B3GALT1: variants seen among roughly 807,000 people sequenced by gnomAD.
B3GALT1 encodes the protein UDP-Gal:betaGlcNAc beta 1,3-galactosyltransferase, polypeptide 1.
Under a neutral mutation model 23.2 loss-of-function variants are expected in B3GALT1, and 10 were observed. The observed-to-expected ratio is 0.43, with a 90% CI of 0.27 to 0.73. The LOEUF (loss-of-function observed/expected upper bound fraction) is 0.73, where lower values mean the gene tolerates loss of function less well. Among genes scored for constraint, B3GALT1 ranks in the 30% least tolerant of loss-of-function variants. B3GALT1 has a pLI of 0.21. For synonymous variants in B3GALT1, 156 were observed against 141.5 expected (o/e 1.10, Z -0.73); for missense variants, 299 against 405.4 (o/e 0.74, Z 2.25).
chr2:167,711,810 C>CA (rs903104951), intron 3 of B3GALT1, among the ~76,000 whole-genome samples: 29 of 151,800 alleles, frequency 1.9e-4, no homozygotes, highest in East Asian at 3.9e-4. Flanking sequence ...CCTAAAAATA[C>CA]AAAAAAAATT....
intron 4 of B3GALT1, among the ~76,000 whole-genome samples, chr2:167,856,243 T>A (rs1689997709): frequency 6.6e-6 from 1 of 152,128 alleles, no homozygotes; most frequent in Non-Finnish European, 1.5e-5. Context: ...TAAAATATGT[T>A]TTCTATTTAT....
At chr2:167,511,841 G>A (rs1224851429) in intron 2 of B3GALT1, among the ~76,000 whole-genome samples, 1 of 152,076 alleles carries the variant, frequency 6.6e-6, no homozygotes, top group African/African-American at 2.4e-5. Flanking sequence ...GATGGACTCA[G>A]ATTTTAATAT....
intron 3 of B3GALT1, among the ~76,000 whole-genome samples, chr2:167,725,213 T>A (rs1027981897): frequency 5.3e-5 from 8 of 152,130 alleles, no homozygotes; most frequent in African/African-American, 1.7e-4. Flanking sequence ...GGAGGACAAC[T>A]GTCAATTCAA....
intron 3 of B3GALT1, among the ~76,000 whole-genome samples, chr2:167,749,426 C>T (rs1187297069): frequency 6.6e-6 from 1 of 152,146 alleles, no homozygotes; most frequent in East Asian, 1.9e-4. Flanking sequence ...CCCCATGTTC[C>T]AACTGACTTC....
chr2:167,607,198 A>C (rs1462415731), intron 2 of B3GALT1, among the ~76,000 whole-genome samples: 1 of 152,192 alleles, frequency 6.6e-6, no homozygotes, highest in East Asian at 1.9e-4. Context: ...AAATGAAAGA[A>C]ATAAAAAGAA....
chr2:167,400,122 G>T (rs1232992413), intron 1 of B3GALT1, among the ~76,000 whole-genome samples: 1 of 150,570 alleles, frequency 6.6e-6, no homozygotes, highest in African/African-American at 2.4e-5. Flanking sequence ...GTCTCTGTAA[G>T]ATTTTCTCTT....
chr2:167,568,800 C>T (rs1199106577), intron 2 of B3GALT1, among the ~76,000 whole-genome samples: 1 of 151,720 alleles, frequency 6.6e-6, no homozygotes, highest in Non-Finnish European at 1.5e-5. Flanking sequence ...GAGTCATTGC[C>T]ATACCCAAGA....
intron 1 of B3GALT1, among the ~76,000 whole-genome samples, chr2:167,311,575 C>T (rs1696634800): frequency 6.6e-6 from 1 of 151,834 alleles, no homozygotes; most frequent in Non-Finnish European, 1.5e-5. Flanking sequence ...TATAATATAG[C>T]TCTATAAAAA....
chr2:167,593,588 A>G (rs903495484), intron 2 of B3GALT1, among the ~76,000 whole-genome samples: 2 of 152,240 alleles, frequency 1.3e-5, no homozygotes, highest in Non-Finnish European at 2.9e-5. Flanking sequence ...AGAAAGAATA[A>G]TGAGTTATGT....
intron 3 of B3GALT1, among the ~76,000 whole-genome samples, chr2:167,709,289 T>G (rs1687015334): frequency 6.6e-6 from 1 of 152,204 alleles, no homozygotes; most frequent in Admixed American, 6.5e-5. Flanking sequence ...CTTTAGAGTT[T>G]CCAAGGAAAA....
At chr2:167,439,445 G>A (rs1347452653) in intron 1 of B3GALT1, among the ~76,000 whole-genome samples, 1 of 151,770 alleles carries the variant, frequency 6.6e-6, no homozygotes, top group Non-Finnish European at 1.5e-5. Context: ...TGCTAGATTT[G>A]GGTGTATATG....
chr2:167,454,207 G>A (rs887102038), intron 1 of B3GALT1, among the ~76,000 whole-genome samples: 4 of 151,272 alleles, frequency 2.6e-5, no homozygotes, highest in African/African-American at 9.8e-5. Context: ...GTGTGTGTGT[G>A]TGTGCGCACG....
rs562848023 is a variant in B3GALT1, at chr2:167,325,001, C to G, written c.-511+31667C>G. Among the ~76,000 whole-genome samples, 3 of 152,168 alleles carry G rather than the reference C, an allele frequency of 2.0e-5. No homozygotes were observed. In the South Asian group the frequency reaches 6.2e-4, roughly 32 times the overall value. On this transcript the variant is annotated intron_variant, in intron 1 of 4. Transcript: ENST00000392690. ...GCATTCCTCTACCTGGCTTCTTTCA[C>G]TTAACATAATAATCTCTAGTTCCAT... is the stretch of plus-strand genomic sequence containing the variant.
chr2:167,521,707 C>A (rs1253295002), intron 2 of B3GALT1, among the ~76,000 whole-genome samples: 2 of 151,952 alleles, frequency 1.3e-5, no homozygotes, highest in Non-Finnish European at 2.9e-5. Context: ...CAATACAGGA[C>A]ACTCAGTTCT....
chr2:167,293,355 G>T (rs1004042072), intron 1 of B3GALT1, 21 bp downstream of exon 1: 7 of 152,178 alleles, frequency 4.6e-5, no homozygotes, highest in African/African-American at 1.4e-4. Context: ...GTCCGGCAGC[G>T]CCCGCGACGC....
intron 2 of B3GALT1, among the ~76,000 whole-genome samples, chr2:167,565,744 GA>G (rs1250607241): frequency 4.6e-5 from 7 of 152,182 alleles, no homozygotes; most frequent in African/African-American, 1.7e-4. Flanking sequence ...AAAGGCACAT[GA>G]AAAAATGCTC....
intron 2 of B3GALT1, among the ~76,000 whole-genome samples, chr2:167,537,910 C>T (rs1336223471): frequency 6.6e-6 from 1 of 151,076 alleles, no homozygotes; most frequent in Admixed American, 6.6e-5. Context: ...TGCAACTGCC[C>T]GCCTCCCTGG....
intron 3 of B3GALT1, among the ~76,000 whole-genome samples, chr2:167,778,191 A>T (rs1688193539): frequency 6.6e-6 from 1 of 152,168 alleles, no homozygotes; most frequent in African/African-American, 2.4e-5. Flanking sequence ...AGAGAATAAG[A>T]TAGTAAGAAG....
intron 1 of B3GALT1, among the ~76,000 whole-genome samples, chr2:167,342,527 T>G (rs568464462): frequency 1.5e-4 from 23 of 151,666 alleles, no homozygotes; most frequent in African/African-American, 5.6e-4. Flanking sequence ...GAGGCAGAGG[T>G]TGCAGTGAAC....
Sources: allele counts gnomAD v4.1 joint callset (sites outside exome capture counted in the v4.1 genomes callset), GRCh38; gene constraint gnomAD v4.1.1; transcripts MANE v1.5; gene names NCBI Gene and HGNC (gene_info 2026-07-23, HGNC 2026-07-21).